The following TMEM37 variants were observed in gnomAD, a reference collection of about 807,000 sequenced individuals.
The protein encoded by TMEM37 is voltage-dependent calcium channel gamma-like subunit.
TMEM37 carries 12 observed loss-of-function variants against 11.0 expected under a neutral mutation model. The observed-to-expected ratio is 1.09, with a 90% CI of 0.70 to 1.76. The LOEUF (loss-of-function observed/expected upper bound fraction) is 1.76, where lower values mean the gene tolerates loss of function less well. Ranked by LOEUF, TMEM37 falls within the 40% of genes most tolerant of loss-of-function variation. The pLI is 0.00. For synonymous variants in TMEM37, 127 were observed against 110.5 expected, an observed-to-expected ratio of 1.15 and a Z score of -0.94; for missense variants, 203 against 251.2, an observed-to-expected ratio of 0.81 and a Z score of 1.30.
intron 1 of TMEM37, among the ~76,000 whole-genome samples, chr2:119,432,830 G>T (rs1187063782): frequency 6.6e-6 from 1 of 152,148 alleles, no homozygotes; most frequent in African/African-American, 2.4e-5. Context: ...GCTGGCCAAG[G>T]AACAGAATCA....
chr2:119,437,050 G>A lies in TMEM37; in HGVS notation c.183G>A (p.Trp61Ter). 6.3e-7 allele frequency: 1 copy of A among 1,595,488 alleles called. No individual in the cohort carries two copies. The highest frequency in any genetic ancestry group is 8.5e-7 in the Non-Finnish European group (1 of 1,175,110). Residue 61 changes from tryptophan to a stop codon, truncating the protein, a stop_gained, in exon 2 of 2, where the codon TGG becomes TGA. Transcript: ENST00000306406. LOFTEE classifies it high-confidence loss of function. ...CTGAGGACCGCCTCTTCGGGCTCTG[G>A]CACTTCTGCACCACCACCAACCAGA... The part of the protein sequence containing the change: ...LLAEDRLFGL[W>*]HFCTTTNQTI...
In TMEM37 at chr2:119,437,170, C is replaced by T. The variant is rs376824861; in HGVS notation, c.303C>T (p.Ala101=). ...VRSVGALAVV[A]AIFGLEFLMV... ...GCGTGGGCGCCTTGGCCGTGGTGGC[C>T]GCCATTTTTGGCCTGGAGTTCCTCA... Residue 101 remains alanine, a synonymous_variant, in exon 2 of 2, where the codon GCC becomes GCT. Transcript: ENST00000306406. 2.7e-5 allele frequency: 44 copies of T among 1,614,090 alleles called. No individual in the cohort carries two copies. Among genetic ancestry groups the T allele is most frequent in the African/African-American group, 6.7e-5 (5 of 74,926 alleles).
intron 1 of TMEM37, among the ~76,000 whole-genome samples, chr2:119,433,040 A>T (rs1305375487): frequency 1.3e-5 from 2 of 152,228 alleles, no homozygotes; most frequent in African/African-American, 4.8e-5. Context: ...GCCAGGCAGC[A>T]TGGTGGGACA....
chr2:119,429,922 T>A (rs1391626433), upstream of TMEM37: 5 of 1,550,440 alleles, frequency 3.2e-6, no homozygotes, highest in East Asian at 1.2e-4. Context: ...AGGCAGTGGG[T>A]GCAGATGACC....
rs769154426 is a variant in TMEM37, at chr2:119,436,875, A to G, written c.22-14A>G. ...GGCTGTGGCTGACAGGGTGCTTCCT[A>G]CGGTTTTTTCCAGGCCCAGAGGCCT... On this transcript the variant is annotated splice_polypyrimidine_tract_variant and intron_variant, in intron 1 of 1. Coordinates refer to ENST00000306406, the MANE Select transcript of TMEM37 (RefSeq NM_183240.3). 1.2e-5 allele frequency: 19 copies of G among 1,603,212 alleles called. No homozygotes were observed. The highest frequency in any genetic ancestry group is 1.6e-5 in the Non-Finnish European group (19 of 1,174,460).
At chr2:119,434,227 C>T (rs915111605) in intron 1 of TMEM37, among the ~76,000 whole-genome samples, 4 of 152,136 alleles carry the variant, frequency 2.6e-5, no homozygotes, top group African/African-American at 9.7e-5. Flanking sequence ...TTGTTCTCTG[C>T]CTGTGGTGCT....
intron 1 of TMEM37, among the ~76,000 whole-genome samples, chr2:119,435,596 C>T (rs1259093517): frequency 3.9e-5 from 6 of 152,198 alleles, no homozygotes; most frequent in African/African-American, 9.7e-5. Flanking sequence ...TCACAGCTCT[C>T]CCTTGAGCAC....
intron 1 of TMEM37, among the ~76,000 whole-genome samples, chr2:119,432,675 G>T (rs766230077): frequency 4.6e-5 from 7 of 152,210 alleles, no homozygotes; most frequent in Non-Finnish European, 1.5e-5. Flanking sequence ...CCGCTGCAGA[G>T]TCTATCCGCT....
upstream of TMEM37, chr2:119,430,501 C>G: frequency 6.4e-6 from 3 of 466,922 alleles, no homozygotes; most frequent in Non-Finnish European, 1.3e-5. Context: ...AGCTCCAGGA[C>G]TGGGGTAAAG....
chr2:119,431,946 G>A, intron 1 of TMEM37, 22 bp downstream of exon 1: 1 of 1,221,396 alleles, frequency 8.2e-7, no homozygotes, highest in South Asian at 4.1e-5. Flanking sequence ...CTGGCGGGGC[G>A]CTGACCCGGG....
intron 1 of TMEM37, among the ~76,000 whole-genome samples, chr2:119,433,253 G>C (rs553230106): frequency 6.6e-6 from 1 of 152,224 alleles, no homozygotes. Context: ...CGGCCGCTTC[G>C]GGATGATAAC....
chr2:119,431,509 A>T (rs1682392849), upstream of TMEM37, among the ~76,000 whole-genome samples: 1 of 152,252 alleles, frequency 6.6e-6, no homozygotes, highest in African/African-American at 2.4e-5. Flanking sequence ...AAGCTGGAAC[A>T]GGAATCGAAC....
upstream of TMEM37, chr2:119,431,784 T>A: frequency 1.3e-4 from 94 of 706,004 alleles, no homozygotes; most frequent in Non-Finnish European, 1.8e-4. Context: ...GAACGCCCCC[T>A]CCCGCCCCGC....
At chr2:119,433,830 C>T (rs1682448821) in intron 1 of TMEM37, among the ~76,000 whole-genome samples, 1 of 152,146 alleles carries the variant, frequency 6.6e-6, no homozygotes, top group South Asian at 2.1e-4. Context: ...GTAGCCGTTT[C>T]AGGCCCTGCA....
intron 1 of TMEM37, among the ~76,000 whole-genome samples, chr2:119,436,349 G>C (rs1201540402): frequency 6.6e-6 from 1 of 152,182 alleles, no homozygotes; most frequent in South Asian, 2.1e-4. Flanking sequence ...ATAATCTAGA[G>C]TCCTGGGCTG....
In TMEM37 at chr2:119,437,959, T is replaced by A. The variant is rs1317298003; in HGVS notation, c.*519T>A. Reference sequence around the variant, plus strand: ...CCAGCTCAAAGGGCCTTCGTATGTATGTCCCTGGCTTCAGCTTTGGTCATG... The same window carrying A: ...CCAGCTCAAAGGGCCTTCGTATGTAAGTCCCTGGCTTCAGCTTTGGTCATG... On this transcript the variant is annotated 3_prime_UTR_variant, in exon 2 of 2. Coordinates refer to ENST00000306406, the MANE Select transcript of TMEM37 (RefSeq NM_183240.3). The A allele has an allele frequency of 6.4e-6, 1 of 156,080 alleles. No homozygotes were observed. Among genetic ancestry groups the A allele is most frequent in the Non-Finnish European group, 1.4e-5 (1 of 70,818 alleles). 9.7% of individuals were successfully genotyped at this position (156,080 alleles called of 1,614,324 possible). A position where few individuals can be genotyped will look rare whatever the true frequency, so the allele number is the denominator to read the frequency against.
chr2:119,432,065 C>T, intron 1 of TMEM37, 141 bp downstream of exon 1: 1 of 518,870 alleles, frequency 1.9e-6, no homozygotes, highest in Non-Finnish European at 2.9e-6. Context: ...TGCCCGCCCC[C>T]TGTTGCAAAC....
Position 119,437,033 on chromosome 2 carries a change from C to A in TMEM37, c.166C>A (p.Arg56Ser), listed in dbSNP as rs562031323. The change falls in exon 2 of 2, where the codon CGC (arginine) becomes AGC (serine). Residue 56 changes from arginine (R) to serine (S), a missense_variant. Physicochemically the swap from Arg to Ser is moderately radical, Grantham distance 110. Coordinates refer to ENST00000306406, the MANE Select transcript of TMEM37 (RefSeq NM_183240.3). Reference protein sequence around the residue: ...CDGHWLLAEDRLFGLWHFCTT... With the variant: ...CDGHWLLAEDSLFGLWHFCTT... ...TGGGCACTGGCTCCTGGCTGAGGAC[C>A]GCCTCTTCGGGCTCTGGCACTTCTG... The A allele has an allele frequency of 4.0e-5, 65 of 1,613,580 alleles. 1 individual carries two copies. In the South Asian group the frequency reaches 7.1e-4, roughly 18 times the overall value.
chr2:119,431,956 G>A (rs1573762426), intron 1 of TMEM37, 32 bp downstream of exon 1: 2 of 1,215,172 alleles, frequency 1.6e-6, no homozygotes, highest in African/African-American at 1.6e-5. Flanking sequence ...GCTGACCCGG[G>A]GTGCTGCCCC....
Sources: gnomAD v4.1 joint callset for allele counts (sites outside exome capture counted in the v4.1 genomes callset) on GRCh38, gnomAD v4.1.1 for gene constraint, MANE v1.5 for transcripts, NCBI Gene and HGNC (gene_info 2026-07-23, HGNC 2026-07-21) for gene names.